CEACAM1: variants seen among roughly 807,000 people sequenced by gnomAD.
The protein encoded by CEACAM1 is cell adhesion molecule CEACAM1.
A neutral mutation model predicts 49.1 loss-of-function variants in CEACAM1; 31 were observed. The ratio of observed to expected loss-of-function variants is 0.63; its 90% CI spans 0.47 to 0.85. CEACAM1 has a LOEUF of 0.85. Ranked by LOEUF, CEACAM1 falls within the 40% of genes least tolerant of loss-of-function variation. The pLI, the probability that CEACAM1 is intolerant of heterozygous loss-of-function variation, is 0.00. For missense variants in CEACAM1, 570 were observed against 645.3 expected (o/e 0.88, Z 1.26); for synonymous variants, 244 against 247.8 (o/e 0.98, Z 0.14).
Position 42,511,436 on chromosome 19 carries a change from C to T in CEACAM1, c.1429+140G>A, listed in dbSNP as rs1257141563. The T allele has an allele frequency of 6.8e-6, 5 of 734,274 alleles. No individual in the cohort carries two copies. The East Asian group carries it at 7.5e-5, about 11-fold the overall frequency. The allele number at this position is 734,274 out of a possible 1,614,324, so 45.5% of individuals were successfully genotyped here. On this transcript the variant is annotated intron_variant, in intron 7 of 8. Coordinates refer to ENST00000161559, the MANE Select transcript of CEACAM1 (RefSeq NM_001712.5). ...CTAGGAAGGGTGGGAAGACCTATGCCACCTTAGGGTTGGGAAATAGAGATC... is the reference window on the plus strand; with the variant it reads ...CTAGGAAGGGTGGGAAGACCTATGCTACCTTAGGGTTGGGAAATAGAGATC...
In CEACAM1 at chr19:42,522,026, T is replaced by A. The variant is rs1356371473; in HGVS notation, c.601A>T (p.Thr201Ser). The change falls in exon 3 of 9, where the codon ACT becomes TCT. Residue 201 changes from threonine to serine, a missense_variant. Coordinates refer to ENST00000161559, the MANE Select transcript of CEACAM1 (RefSeq NM_001712.5). ...LQLSNGNRTL[T>S]LLSVTRNDTG... is the part of the protein sequence containing the mutation. ...TCATTCCTTGTGACACTGAGTAGAG[T>A]GAGGGTCCTGTTGCCATTGGACAGC... 1 of 1,613,954 alleles carries A rather than the reference T, an allele frequency of 6.2e-7. No individual in the cohort carries two copies. Among genetic ancestry groups the A allele is most frequent in the Admixed American group, 1.7e-5 (1 of 59,996 alleles).
intron 2 of CEACAM1, among the ~76,000 whole-genome samples, chr19:42,523,626 G>A (rs1036888254): frequency 4.6e-5 from 7 of 152,232 alleles, no homozygotes; most frequent in Non-Finnish European, 8.8e-5. Context: ...CTAGTGGAAC[G>A]GAAGGAGCAT....
At chr19:42,518,743 G>A (rs1327916216) in intron 5 of CEACAM1, 16 of 594,500 alleles carry the variant, frequency 2.7e-5, no homozygotes, top group East Asian at 5.9e-5. Context: ...CTCGTGATCC[G>A]CCCGCCTTGG....
At chr19:42,523,538 C>T (rs553951218) in intron 2 of CEACAM1, among the ~76,000 whole-genome samples, 51 of 152,292 alleles carry the variant, frequency 3.3e-4, no homozygotes, top group Admixed American at 9.2e-4. Flanking sequence ...TGTCCCTTTT[C>T]CCCCTGAAAA....
At chr19:42,510,958 T>G (rs554896669) in intron 7 of CEACAM1, 38 bp from the exon 8 acceptor site, 1 of 1,607,712 alleles carries the variant, frequency 6.2e-7, no homozygotes, top group African/African-American at 1.3e-5. Context: ...TCCATGGAAA[T>G]GCAAAGCTGA....
rs374067181 is a variant in CEACAM1, at chr19:42,509,774, C to T, written c.1462-546G>A. ...CCCAAGTAGCTGGGATTACAGGCAT[C>T]CACTACCACGCCCGGCTAATTTTTT... On this transcript the variant is annotated intron_variant, in intron 8 of 8. Coordinates refer to ENST00000161559, the MANE Select transcript of CEACAM1 (RefSeq NM_001712.5). 3.9e-4 allele frequency among the ~76,000 whole-genome samples: 59 copies of T among 152,058 alleles called. 1 individual carries two copies. Among genetic ancestry groups the T allele is most frequent in the African/African-American group, 1.4e-3 (57 of 41,494 alleles).
In CEACAM1 at chr19:42,521,518, C is replaced by A; in HGVS notation, c.707G>T (p.Gly236Val). The change falls in exon 4 of 9, where the codon GGC becomes GTC. Residue 236 changes from glycine (G) to valine (V), a missense_variant. By Grantham distance (109) the Gly-to-Val change is moderately radical. Transcript: ENST00000161559. ...AGGGGAAATGGTGGGGGTGTCCGGG[C>A]CATCTGGAGCAAAGAGAATAAAGCC... is the stretch of plus-strand genomic sequence containing the variant. ...SDPVTLNVTY[G>V]PDTPTISPSD... The A allele has an allele frequency of 6.2e-7, 1 of 1,613,066 alleles. No homozygotes were observed. Among genetic ancestry groups the A allele is most frequent in the South Asian group, 1.1e-5 (1 of 90,968 alleles).
At chr19:42,509,908 T>A (rs1325484497) in intron 8 of CEACAM1, among the ~76,000 whole-genome samples, 1 of 152,122 alleles carries the variant, frequency 6.6e-6, no homozygotes, top group Non-Finnish European at 1.5e-5. Context: ...ATTACAGGTG[T>A]GAGCCACTGC....
intron 5 of CEACAM1, among the ~76,000 whole-genome samples, chr19:42,513,902 A>G (rs986283759): frequency 7.7e-6 from 1 of 130,344 alleles, no homozygotes; most frequent in African/African-American, 3.4e-5. Flanking sequence ...CCATATATAT[A>G]TATATATATA....
At chr19:42,526,798 C>T (rs569796615) in intron 2 of CEACAM1, among the ~76,000 whole-genome samples, 3 of 152,260 alleles carry the variant, frequency 2.0e-5, no homozygotes, top group South Asian at 4.1e-4. Flanking sequence ...CTGGTCTCCC[C>T]TCGATAAGTT....
chr19:42,512,451 G>A lies in CEACAM1; in HGVS notation c.1275C>T (p.Leu425=). ...NYNALPQENG[L]SPGAIAGIVI... is the part of the protein sequence containing the mutation. ...CAATGCCAGCAATGGCCCCAGGTGA[G>A]AGGCCATTTTCTTGTGGTAGAGCAT... The change falls in exon 6 of 9, where the codon CTC becomes CTT. Residue 425 remains leucine, a synonymous_variant. Transcript: ENST00000161559. 6.2e-7 allele frequency: 1 copy of A among 1,614,200 alleles called. No individual in the cohort carries two copies. Among genetic ancestry groups the A allele is most frequent in the Non-Finnish European group, 8.5e-7 (1 of 1,180,008 alleles).
chr19:42,516,440 A>C (rs1247852720), intron 5 of CEACAM1, among the ~76,000 whole-genome samples: 1 of 152,180 alleles, frequency 6.6e-6, no homozygotes, highest in African/African-American at 2.4e-5. Context: ...AATAAACTTA[A>C]CCAAAGAGGT....
intron 5 of CEACAM1, 56 bp from the exon 6 acceptor site, chr19:42,512,535 G>A (rs981204303): frequency 6.5e-7 from 1 of 1,534,076 alleles, no homozygotes; most frequent in Non-Finnish European, 9.0e-7. Context: ...TTACAATGGG[G>A]GCTGGGAAAC....
chr19:42,508,916 A>AAT lies in CEACAM1; in HGVS notation c.*191_*192dup. Reference sequence around the variant, plus strand: ...AAGGTTGGGTTTCCTACAGACTCCCAATGTACTTTCATCTATTGACACTGA... The same window carrying AAT: ...AAGGTTGGGTTTCCTACAGACTCCCAATATGTACTTTCATCTATTGACACTGA... On this transcript the variant is annotated 3_prime_UTR_variant, in exon 9 of 9. Coordinates refer to ENST00000161559, the MANE Select transcript of CEACAM1 (RefSeq NM_001712.5). The AAT allele has an allele frequency of 3.5e-6, 2 of 576,824 alleles. No homozygotes were observed. Among genetic ancestry groups the AAT allele is most frequent in the Non-Finnish European group, 6.0e-6 (2 of 334,500 alleles). 35.7% of individuals were successfully genotyped at this position (576,824 alleles called of 1,614,324 possible).
At chr19:42,524,001 T>G (rs2080628915) in intron 2 of CEACAM1, among the ~76,000 whole-genome samples, 1 of 152,202 alleles carries the variant, frequency 6.6e-6, no homozygotes, top group South Asian at 2.1e-4. Flanking sequence ...GTATGTTATG[T>G]TAGTAAATTT....
Position 42,528,465 on chromosome 19 carries a change from T to C in CEACAM1, c.-91A>G. The stretch of plus-strand genomic sequence containing the variant: ...ACGGCTGCTCTGTCACCTCTGCTGT[T>C]TTCCACTCTCTGTGCTGAGCCTCCT... On this transcript the variant is annotated 5_prime_UTR_variant, in exon 1 of 9. Transcript: ENST00000161559. 7.8e-7 allele frequency: 1 copy of C among 1,274,184 alleles called. No homozygotes were observed. Among genetic ancestry groups the C allele is most frequent in the South Asian group, 1.2e-5 (1 of 82,300 alleles). 78.9% of individuals were successfully genotyped at this position (1,274,184 alleles called of 1,614,324 possible).
intron 4 of CEACAM1, 169 bp from the exon 5 acceptor site, chr19:42,519,404 T>G: frequency 1.6e-6 from 1 of 638,638 alleles, no homozygotes; most frequent in Non-Finnish European, 2.7e-6. Context: ...GAAGGTCGAG[T>G]GTCTTTGTTC....
At chr19:42,515,740 G>A (rs540004586) in intron 5 of CEACAM1, among the ~76,000 whole-genome samples, 1 of 152,064 alleles carries the variant, frequency 6.6e-6, no homozygotes, top group Non-Finnish European at 1.5e-5. Flanking sequence ...AAAGAAAGAA[G>A]ATTCAAATTA....
intron 5 of CEACAM1, among the ~76,000 whole-genome samples, chr19:42,516,030 C>T (rs2041592036): frequency 6.6e-6 from 1 of 152,086 alleles, no homozygotes; most frequent in African/African-American, 2.4e-5. Context: ...AGGAAATTCT[C>T]AACATAATAA....
Sources: allele counts gnomAD v4.1 joint callset (sites outside exome capture counted in the v4.1 genomes callset), GRCh38; gene constraint gnomAD v4.1.1; transcripts MANE v1.5; gene names NCBI Gene and HGNC (gene_info 2026-07-23, HGNC 2026-07-21).